EMSY: variants seen among roughly 807,000 people sequenced by gnomAD.
EMSY encodes EMSY transcriptional repressor, BRCA2 interacting.
A neutral mutation model predicts 134.6 loss-of-function variants in EMSY; 26 were observed. The observed-to-expected ratio is 0.19, with a 90% CI of 0.14 to 0.27. The LOEUF is 0.27. EMSY is among the 10% of genes least tolerant of loss of function. EMSY has a pLI of 1.00. For synonymous variants in EMSY, 579 were observed against 577.8 expected, an observed-to-expected ratio of 1.00 and a Z score of -0.03; for missense variants, 1,305 against 1,611.4, an observed-to-expected ratio of 0.81 and a Z score of 3.26.
At position 76,488,660 on chromosome 11, in the gene EMSY, T is replaced by C. The variant is rs76828185; in HGVS notation, c.1109-7555T>C. 8.6e-3 allele frequency among the ~76,000 whole-genome samples: 1,310 copies of C among 152,346 alleles called. 15 individuals carry two copies. The highest frequency in any genetic ancestry group is 0.027 in the Middle Eastern group (8 of 294). ...ACATAAATCTGCATTGATCAAGTGATTGGTTTTTCACAATAAAATTTATTA... is the reference window on the plus strand; with the variant it reads ...ACATAAATCTGCATTGATCAAGTGACTGGTTTTTCACAATAAAATTTATTA... On this transcript the variant is annotated intron_variant, in intron 8 of 20. Transcript: ENST00000334736.
chr11:76,487,127 A>T (rs1949219969), intron 8 of EMSY, among the ~76,000 whole-genome samples: 1 of 152,154 alleles, frequency 6.6e-6, no homozygotes, highest in Non-Finnish European at 1.5e-5. Flanking sequence ...CAAAATACAA[A>T]AAATTAGCTG....
intron 2 of EMSY, 121 bp downstream of exon 2, chr11:76,447,129 C>T: frequency 1.1e-6 from 1 of 874,678 alleles, no homozygotes. Context: ...TTTGGAGATA[C>T]AGTTCCCATC....
intron 4 of EMSY, among the ~76,000 whole-genome samples, chr11:76,456,748 A>C (rs1056054040): frequency 7.2e-5 from 11 of 152,320 alleles, no homozygotes; most frequent in African/African-American, 2.6e-4. Context: ...CATTTTCCAC[A>C]GTAACCCAGC....
chr11:76,547,415 T>G (rs1951692028), intron 20 of EMSY, among the ~76,000 whole-genome samples: 1 of 152,238 alleles, frequency 6.6e-6, no homozygotes, highest in South Asian at 2.1e-4. Flanking sequence ...GTAAATGAAG[T>G]AAATATTTCC....
At chr11:76,524,035 G>A (rs2049247552) in intron 12 of EMSY, among the ~76,000 whole-genome samples, 1 of 152,116 alleles carries the variant, frequency 6.6e-6, no homozygotes, top group Admixed American at 6.5e-5. Flanking sequence ...GGGCAACAGA[G>A]TGAGACCTTG....
chr11:76,519,788 T>C (rs1950580895), intron 11 of EMSY, among the ~76,000 whole-genome samples: 1 of 152,212 alleles, frequency 6.6e-6, no homozygotes, highest in Non-Finnish European at 1.5e-5. Context: ...TAAGAATGCC[T>C]GGAATGCATC....
chr11:76,482,827 T>G (rs185047181), intron 8 of EMSY, among the ~76,000 whole-genome samples: 34 of 152,326 alleles, frequency 2.2e-4, no homozygotes, highest in African/African-American at 8.2e-4. Context: ...GGAAACACTC[T>G]TCAGCATATT....
At chr11:76,512,919 G>T (rs150781844) in intron 9 of EMSY, among the ~76,000 whole-genome samples, 1 of 152,042 alleles carries the variant, frequency 6.6e-6, no homozygotes, top group African/African-American at 2.4e-5. Context: ...AACAAAAAAT[G>T]TTCTTTGTCT....
At chr11:76,512,255 A>T (rs1228741977) in intron 9 of EMSY, among the ~76,000 whole-genome samples, 1 of 152,018 alleles carries the variant, frequency 6.6e-6, no homozygotes, top group African/African-American at 2.4e-5. Flanking sequence ...CCCTTTTCTC[A>T]TTTACCCCGA....
intron 7 of EMSY, among the ~76,000 whole-genome samples, chr11:76,466,430 A>G (rs1167174423): frequency 3.3e-5 from 5 of 151,982 alleles, no homozygotes; most frequent in African/African-American, 9.7e-5. Flanking sequence ...TCCAAACTTT[A>G]TAGCTGTTGT....
chr11:76,470,663 T>C (rs1488759791), intron 7 of EMSY, among the ~76,000 whole-genome samples: 3 of 152,132 alleles, frequency 2.0e-5, no homozygotes, highest in Admixed American at 6.5e-5. Context: ...CCCTCTTGCC[T>C]CTTATCATGT....
chr11:76,532,606 AT>A (rs980449974), intron 14 of EMSY, among the ~76,000 whole-genome samples: 2 of 151,904 alleles, frequency 1.3e-5, no homozygotes, highest in African/African-American at 4.8e-5. Flanking sequence ...TGGGTTCCAG[AT>A]TTTTTTTAAA....
intron 1 of EMSY, among the ~76,000 whole-genome samples, chr11:76,446,349 G>GTATATATATATGTATATATATATGTGTA (rs1555036519): frequency 2.7e-4 from 35 of 130,370 alleles, no homozygotes; most frequent in African/African-American, 7.1e-4. Context: ...ATATATATGT[G>GTATATATATATGTATATATATATGTGTA]TATATATATA....
chr11:76,493,902 G>A (rs771408986), intron 8 of EMSY, among the ~76,000 whole-genome samples: 1 of 152,184 alleles, frequency 6.6e-6, no homozygotes, highest in Non-Finnish European at 1.5e-5. Flanking sequence ...CCAGTGACAG[G>A]AGAGAAGAGC....
intron 4 of EMSY, among the ~76,000 whole-genome samples, chr11:76,457,277 G>C (rs1346090412): frequency 6.6e-6 from 1 of 152,188 alleles, no homozygotes; most frequent in Non-Finnish European, 1.5e-5. Context: ...TTCAAATGCA[G>C]AAATATTTCA....
chr11:76,511,044 G>A (rs778203665), intron 9 of EMSY, among the ~76,000 whole-genome samples: 1 of 152,162 alleles, frequency 6.6e-6, no homozygotes, highest in Non-Finnish European at 1.5e-5. Context: ...GCTTCACTGG[G>A]TTAGGGGGCC....
At chr11:76,548,469 G>A (rs1951730575) in intron 20 of EMSY, among the ~76,000 whole-genome samples, 1 of 152,188 alleles carries the variant, frequency 6.6e-6, no homozygotes, top group African/African-American at 2.4e-5. Context: ...AAGTAAACAA[G>A]ATGTATCTTC....
chr11:76,542,327 C>T, exon 18 of EMSY: 1 of 1,614,156 alleles, frequency 6.2e-7, no homozygotes, highest in Non-Finnish European at 8.5e-7. Flanking sequence ...AAGTCCATCC[C>T]AGCATCTTCC....
chr11:76,509,907 A>G (rs907553068), intron 9 of EMSY, among the ~76,000 whole-genome samples: 3 of 152,262 alleles, frequency 2.0e-5, no homozygotes, highest in African/African-American at 7.2e-5. Context: ...AAAAAATAAA[A>G]TATAGACCAG....
Sources: gnomAD v4.1 joint callset for allele counts (sites outside exome capture counted in the v4.1 genomes callset) on GRCh38, gnomAD v4.1.1 for gene constraint, MANE v1.5 for transcripts, NCBI Gene and HGNC (gene_info 2026-07-23, HGNC 2026-07-21) for gene names.